Variants in LRP1B observed in about 807,000 individuals in gnomAD.
LRP1B encodes the protein low-density lipoprotein receptor-related protein 1B.
LRP1B carries 217 observed loss-of-function variants against 556.6 expected under a neutral mutation model. That is an observed-to-expected ratio of 0.39 (90% CI 0.35 to 0.44). The LOEUF (loss-of-function observed/expected upper bound fraction) is 0.44. LRP1B is among the 20% of genes least tolerant of loss of function. The pLI, the probability that LRP1B is intolerant of heterozygous loss-of-function variation, is 1.00. For missense variants in LRP1B, 5,053 were observed against 5,620.8 expected, an observed-to-expected ratio of 0.90 and a Z score of 3.23; for synonymous variants, 2,047 against 1,865.8, an observed-to-expected ratio of 1.10 and a Z score of -2.50.
At chr2:141,134,869 C>A (rs1367346458) in intron 7 of LRP1B, among the ~76,000 whole-genome samples, 11 of 151,452 alleles carry the variant, frequency 7.3e-5, no homozygotes, top group Non-Finnish European at 7.4e-5. Flanking sequence ...TAGGTTATTA[C>A]CACTGATGCA....
chr2:141,565,405 A>G (rs1686296335), intron 2 of LRP1B, among the ~76,000 whole-genome samples: 1 of 152,212 alleles, frequency 6.6e-6, no homozygotes, highest in African/African-American at 2.4e-5. Context: ...TTGACATTAT[A>G]AGTGGAAAGG....
chr2:141,828,330 T>A (rs2105741400), intron 1 of LRP1B, among the ~76,000 whole-genome samples: 1 of 152,230 alleles, frequency 6.6e-6, no homozygotes. Flanking sequence ...AGTGTGGTAA[T>A]TCAATTTAAA....
At chr2:141,665,194 G>A (rs921285827) in intron 2 of LRP1B, among the ~76,000 whole-genome samples, 2 of 151,570 alleles carry the variant, frequency 1.3e-5, no homozygotes, top group Non-Finnish European at 2.9e-5. Context: ...ACTGACAAAG[G>A]TCTAATATTC....
chr2:140,974,101 A>T (rs896321357), intron 18 of LRP1B, among the ~76,000 whole-genome samples: 4 of 152,126 alleles, frequency 2.6e-5, no homozygotes, highest in African/African-American at 9.7e-5. Context: ...ATTGTGGACA[A>T]AGTTATTGAT....
At chr2:141,246,063 A>G (rs1027820265) in intron 5 of LRP1B, among the ~76,000 whole-genome samples, 16 of 152,210 alleles carry the variant, frequency 1.1e-4, no homozygotes, top group Non-Finnish European at 1.9e-4. Flanking sequence ...ATATATATAA[A>G]TGAATTAATT....
chr2:141,945,537 ATG>A (rs896318595), intron 1 of LRP1B, among the ~76,000 whole-genome samples: 1 of 135,768 alleles, frequency 7.4e-6, no homozygotes, highest in African/African-American at 2.9e-5. Flanking sequence ...GTATGTATAT[ATG>A]TATATATATA....
chr2:140,614,176 C>A lies in LRP1B; in HGVS notation c.6800-12537G>T, dbSNP rs143969220. On this transcript the variant is annotated intron_variant, in intron 41 of 90. Coordinates refer to ENST00000389484, the MANE Select transcript of LRP1B (RefSeq NM_018557.3). ...ATTCTCCTTTTAAATCACTCAGTCACCTCTGTACAAATCAAAGTTGACTTT... is the reference window on the plus strand; with the variant it reads ...ATTCTCCTTTTAAATCACTCAGTCAACTCTGTACAAATCAAAGTTGACTTT... Among the ~76,000 whole-genome samples the A allele has an allele frequency of 3.8e-3, 577 of 152,188 alleles. 5 individuals are homozygous for A. Among genetic ancestry groups the A allele is most frequent in the Middle Eastern group, 0.017 (5 of 294 alleles).
chr2:141,737,902 T>G (rs1488676210), intron 2 of LRP1B, among the ~76,000 whole-genome samples: 2 of 152,170 alleles, frequency 1.3e-5, no homozygotes. Context: ...CCTACTGTTT[T>G]GAGTCATCAT....
intron 86 of LRP1B, among the ~76,000 whole-genome samples, chr2:140,258,696 A>G (rs569056340): frequency 6.6e-6 from 1 of 152,216 alleles, no homozygotes; most frequent in South Asian, 2.1e-4. Context: ...AAAACAATCT[A>G]AAGAGACAGA....
chr2:140,829,381 G>A (rs1028414377), intron 31 of LRP1B, among the ~76,000 whole-genome samples: 1 of 152,106 alleles, frequency 6.6e-6, no homozygotes, highest in African/African-American at 2.4e-5. Context: ...TCTATGTGAG[G>A]CCACAAAATA....
intron 41 of LRP1B, among the ~76,000 whole-genome samples, chr2:140,640,840 TCAG>T (rs200782436): frequency 0.014 from 2,195 of 152,214 alleles, 59 homozygotes; most frequent in African/African-American, 0.048. Flanking sequence ...TGACACAGGC[TCAG>T]TAAGTATTTG....
At chr2:141,791,492 T>G (rs1345089507) in intron 2 of LRP1B, among the ~76,000 whole-genome samples, 1 of 152,062 alleles carries the variant, frequency 6.6e-6, no homozygotes, top group Non-Finnish European at 1.5e-5. Context: ...TAAATATATC[T>G]TTTAACATTT....
intron 1 of LRP1B, among the ~76,000 whole-genome samples, chr2:141,838,206 G>C (rs1697354387): frequency 6.6e-6 from 1 of 152,008 alleles, no homozygotes; most frequent in Admixed American, 6.6e-5. Context: ...ACAGTCTCAT[G>C]AAGACATAGA....
At chr2:141,674,743 G>A (rs373573996) in intron 2 of LRP1B, among the ~76,000 whole-genome samples, 9 of 152,038 alleles carry the variant, frequency 5.9e-5, no homozygotes, top group East Asian at 3.9e-4. Flanking sequence ...AAATGGAATC[G>A]CAGGGAATTG....
chr2:141,561,584 C>T (rs887798111), intron 2 of LRP1B, among the ~76,000 whole-genome samples: 1 of 151,806 alleles, frequency 6.6e-6, no homozygotes, highest in Non-Finnish European at 1.5e-5. Flanking sequence ...TTTCCCACAA[C>T]ATGTGCACTA....
At chr2:141,102,824 T>C (rs1221517381) in intron 7 of LRP1B, among the ~76,000 whole-genome samples, 3 of 152,140 alleles carry the variant, frequency 2.0e-5, no homozygotes, top group Non-Finnish European at 4.4e-5. Context: ...TCAGTTTTTC[T>C]TGAGGATTAC....
At chr2:140,693,511 T>C (rs544122053) in intron 41 of LRP1B, among the ~76,000 whole-genome samples, 1 of 152,234 alleles carries the variant, frequency 6.6e-6, no homozygotes, top group South Asian at 2.1e-4. Context: ...GCATTAAATT[T>C]ACAGATAATT....
intron 1 of LRP1B, among the ~76,000 whole-genome samples, chr2:141,988,038 A>G (rs1434476165): frequency 2.6e-5 from 4 of 151,906 alleles, no homozygotes; most frequent in Non-Finnish European, 4.4e-5. Flanking sequence ...TCATTGATCA[A>G]TTATTTCTAT....
intron 3 of LRP1B, among the ~76,000 whole-genome samples, chr2:141,256,890 C>A (rs1054355941): frequency 2.6e-5 from 4 of 151,878 alleles, no homozygotes; most frequent in Admixed American, 6.6e-5. Context: ...AGTAAAGAAG[C>A]ATTCCCTTAA....
Sources: allele counts gnomAD v4.1 joint callset (sites outside exome capture counted in the v4.1 genomes callset), GRCh38; gene constraint gnomAD v4.1.1; transcripts MANE v1.5; gene names NCBI Gene and HGNC (gene_info 2026-07-23, HGNC 2026-07-21).